Variants in ACBD6 observed in about 807,000 individuals in gnomAD.
ACBD6 encodes the protein acyl-CoA binding domain containing 6, also known as acyl-CoA-binding domain-containing protein 6.
Under a neutral mutation model 37.2 loss-of-function variants are expected in ACBD6, and 28 were observed. The ratio of observed to expected loss-of-function variants is 0.75; its 90% confidence interval spans 0.56 to 1.03. The LOEUF (loss-of-function observed/expected upper bound fraction) is 1.03, where lower values mean the gene tolerates loss of function less well. Ranked by LOEUF, ACBD6 falls within the 50% of genes least tolerant of loss-of-function variation. The probability of loss-of-function intolerance (pLI) is 0.00; values close to 1 mark genes in which losing one functional copy is unlikely to be tolerated. For synonymous variants in ACBD6, 113 were observed against 126.8 expected, an observed-to-expected ratio of 0.89 and a Z score of 0.73; for missense variants, 340 against 337.4, an observed-to-expected ratio of 1.01 and a Z score of -0.06.
intron 7 of ACBD6, among the ~76,000 whole-genome samples, chr1:180,302,366 TA>T (rs893784834): frequency 5.3e-5 from 8 of 151,462 alleles, no homozygotes; most frequent in African/African-American, 1.5e-4. Context: ...TATATTCATT[TA>T]AAAAAAAACC....
chr1:180,312,766 G>C (rs1209665002), intron 7 of ACBD6, among the ~76,000 whole-genome samples: 1 of 152,082 alleles, frequency 6.6e-6, no homozygotes, highest in Non-Finnish European at 1.5e-5. Flanking sequence ...AACATTTATT[G>C]AGTATATGCC....
At chr1:180,342,705 T>C (rs963364513) in intron 6 of ACBD6, among the ~76,000 whole-genome samples, 1 of 152,088 alleles carries the variant, frequency 6.6e-6, no homozygotes, top group African/African-American at 2.4e-5. Context: ...GGAATTGATA[T>C]TAAAGCATGA....
intron 7 of ACBD6, among the ~76,000 whole-genome samples, chr1:180,304,853 T>C (rs946606351): frequency 1.3e-5 from 2 of 151,804 alleles, no homozygotes; most frequent in South Asian, 2.1e-4. Context: ...CTTCAAACTA[T>C]ACTACAAGGC....
intron 4 of ACBD6, among the ~76,000 whole-genome samples, chr1:180,419,817 A>T (rs1648279029): frequency 6.6e-6 from 1 of 152,206 alleles, no homozygotes; most frequent in Non-Finnish European, 1.5e-5. Flanking sequence ...CAGGCTGAAG[A>T]GGGGCTGGTC....
chr1:180,436,075 T>A (rs1649024075), intron 3 of ACBD6: 1 of 599,800 alleles, frequency 1.7e-6, no homozygotes. Context: ...AGGTTAAAGA[T>A]GATTCAGCTT....
chr1:180,347,044 AAAAC>A, intron 6 of ACBD6, among the ~76,000 whole-genome samples: 1 of 151,944 alleles, frequency 6.6e-6, no homozygotes, highest in East Asian at 1.9e-4. Flanking sequence ...AAAACAAAAC[AAAAC>A]AAAAATAATG....
At chr1:180,408,729 AG>A (rs1407061788) in intron 5 of ACBD6, among the ~76,000 whole-genome samples, 1 of 152,154 alleles carries the variant, frequency 6.6e-6, no homozygotes, top group African/African-American at 2.4e-5. Context: ...AGAGAGAGAG[AG>A]GGAAGATGAG....
At chr1:180,357,725 G>A (rs1652682585) in intron 6 of ACBD6, among the ~76,000 whole-genome samples, 1 of 152,162 alleles carries the variant, frequency 6.6e-6, no homozygotes, top group Admixed American at 6.6e-5. Context: ...TCAGGAAGAT[G>A]ATCCTCAAAG....
intron 7 of ACBD6, among the ~76,000 whole-genome samples, chr1:180,309,754 T>G (rs1650515442): frequency 6.6e-6 from 1 of 152,272 alleles, no homozygotes; most frequent in African/African-American, 2.4e-5. Flanking sequence ...TCACAACCAC[T>G]GTGAAGAGTT....
chr1:180,487,475 C>T (rs1196620025), intron 3 of ACBD6, among the ~76,000 whole-genome samples: 5 of 152,176 alleles, frequency 3.3e-5, no homozygotes, highest in Non-Finnish European at 7.3e-5. Context: ...CCAGTATAGT[C>T]GCACTGTATA....
intron 6 of ACBD6, among the ~76,000 whole-genome samples, chr1:180,349,113 T>C (rs1652301105): frequency 6.6e-6 from 1 of 152,048 alleles, no homozygotes; most frequent in South Asian, 2.1e-4. Flanking sequence ...TTGTATCCTT[T>C]ATTTAACTTA....
chr1:180,348,435 A>T (rs977326140), intron 6 of ACBD6, among the ~76,000 whole-genome samples: 1 of 152,200 alleles, frequency 6.6e-6, no homozygotes, highest in Non-Finnish European at 1.5e-5. Flanking sequence ...TGAGGCAGGA[A>T]GAAGTGTAGG....
At chr1:180,483,744 T>C (rs1345492019) in intron 3 of ACBD6, among the ~76,000 whole-genome samples, 3 of 152,208 alleles carry the variant, frequency 2.0e-5, no homozygotes, top group Admixed American at 2.0e-4. Context: ...AGATCATTAA[T>C]GTCATTAATG....
chr1:180,315,153 T>C (rs1488904912), intron 6 of ACBD6, among the ~76,000 whole-genome samples: 2 of 152,144 alleles, frequency 1.3e-5, no homozygotes, highest in Non-Finnish European at 2.9e-5. Context: ...TTTTTATCCC[T>C]TTTCAAAGAC....
chr1:180,433,211 T>C (rs1648878691), intron 3 of ACBD6, among the ~76,000 whole-genome samples: 1 of 152,172 alleles, frequency 6.6e-6, no homozygotes, highest in Non-Finnish European at 1.5e-5. Context: ...CTGGGATTTA[T>C]TCCTGGAATG....
chr1:180,368,478 T>C (rs192892384), intron 6 of ACBD6, among the ~76,000 whole-genome samples: 44 of 152,250 alleles, frequency 2.9e-4, no homozygotes, highest in African/African-American at 1.0e-3. Context: ...TGGTATTGCC[T>C]AGGTTGTCTT....
At chr1:180,301,407 G>C (rs984886751) in intron 7 of ACBD6, among the ~76,000 whole-genome samples, 1 of 151,732 alleles carries the variant, frequency 6.6e-6, no homozygotes, top group African/African-American at 2.4e-5. Context: ...CACATATTTT[G>C]TATGTTATAT....
intron 3 of ACBD6, among the ~76,000 whole-genome samples, chr1:180,466,350 G>A (rs1650347518): frequency 6.6e-6 from 1 of 152,028 alleles, no homozygotes; most frequent in South Asian, 2.1e-4. Context: ...ATAGTCAAAG[G>A]AATTTTCTGG....
At chr1:180,316,353 C>T (rs1650805932) in intron 6 of ACBD6, among the ~76,000 whole-genome samples, 1 of 151,692 alleles carries the variant, frequency 6.6e-6, no homozygotes, top group African/African-American at 2.4e-5. Flanking sequence ...CACACACACA[C>T]ATACATGCAA....
Sources: gnomAD v4.1 joint callset for allele counts (sites outside exome capture counted in the v4.1 genomes callset) on GRCh38, gnomAD v4.1.1 for gene constraint, MANE v1.5 for transcripts, NCBI Gene and HGNC (gene_info 2026-07-23, HGNC 2026-07-21) for gene names.